Variants in TBC1D22A observed in about 807,000 individuals in gnomAD.
TBC1D22A encodes putative GTPase activator.
A neutral mutation model predicts 60.2 loss-of-function variants in TBC1D22A; 38 were observed. The ratio of observed to expected loss-of-function variants is 0.63; its 90% CI spans 0.49 to 0.83. The LOEUF (loss-of-function observed/expected upper bound fraction) is 0.83, where lower values mean the gene tolerates loss of function less well. TBC1D22A is among the 40% of genes least tolerant of loss of function. The pLI, the probability that TBC1D22A is intolerant of heterozygous loss-of-function variation, is 0.00. For missense variants in TBC1D22A, 628 were observed against 701.0 expected (o/e 0.90, Z 1.18); for synonymous variants, 302 against 281.7 (o/e 1.07, Z -0.72).
In TBC1D22A at chr22:47,174,043, A is replaced by G. The variant is rs541589591; in HGVS notation, c.*417A>G. ...TCTCATACCTACTCTGAAATGCAAAACTTCTATTCTGTTGAGTGAAAGAAT... is the reference window on the plus strand; with the variant it reads ...TCTCATACCTACTCTGAAATGCAAAGCTTCTATTCTGTTGAGTGAAAGAAT... On this transcript the variant is annotated 3_prime_UTR_variant, in exon 13 of 13. Coordinates refer to ENST00000337137, the MANE Select transcript of TBC1D22A (RefSeq NM_014346.5). 7.1e-5 allele frequency: 12 copies of G among 169,106 alleles called. No homozygotes were observed. Among genetic ancestry groups the G allele is most frequent in the Non-Finnish European group, 1.3e-4 (10 of 78,116 alleles). The allele number at this position is 169,106 out of a possible 1,614,324, so 10.5% of individuals were successfully genotyped here.
chr22:47,119,260 AT>A (rs2147752082), intron 12 of TBC1D22A, among the ~76,000 whole-genome samples: 1 of 152,306 alleles, frequency 6.6e-6, no homozygotes, highest in African/African-American at 2.4e-5. Context: ...TTCCTAGTAA[AT>A]TTGTTCAGTT....
At chr22:47,013,088 C>T (rs61205153) in intron 10 of TBC1D22A, among the ~76,000 whole-genome samples, 36,574 of 152,196 alleles carry the variant, frequency 0.24, 4,709 homozygotes, top group East Asian at 0.29. Flanking sequence ...GGACATAGCA[C>T]TTGCTGTGGA....
chr22:46,839,840 A>G (rs1048206607), intron 4 of TBC1D22A, among the ~76,000 whole-genome samples: 1 of 152,244 alleles, frequency 6.6e-6, no homozygotes, highest in Non-Finnish European at 1.5e-5. Flanking sequence ...AGAACGCACA[A>G]TAGGGAAAAG....
At chr22:47,112,987 A>G (rs1220678489) in intron 12 of TBC1D22A, among the ~76,000 whole-genome samples, 1 of 152,182 alleles carries the variant, frequency 6.6e-6, no homozygotes, top group African/African-American at 2.4e-5. Context: ...ACCAAGTAAG[A>G]TGGAATGAAT....
At chr22:46,982,370 C>T (rs1307542977) in intron 9 of TBC1D22A, among the ~76,000 whole-genome samples, 2 of 152,072 alleles carry the variant, frequency 1.3e-5, no homozygotes, top group African/African-American at 2.4e-5. Context: ...ACTACAGGCA[C>T]CCGCCTCCAC....
intron 4 of TBC1D22A, among the ~76,000 whole-genome samples, chr22:46,867,872 C>T (rs760445292): frequency 1.3e-5 from 2 of 152,210 alleles, no homozygotes; most frequent in African/African-American, 2.4e-5. Flanking sequence ...AAAAGCCACC[C>T]GGCAGAATGC....
At chr22:46,887,084 C>T (rs1403350503) in intron 5 of TBC1D22A, among the ~76,000 whole-genome samples, 1 of 152,174 alleles carries the variant, frequency 6.6e-6, no homozygotes, top group Admixed American at 6.5e-5. Flanking sequence ...CAGAAGGAGG[C>T]TGTTGGCAGC....
chr22:46,962,357 C>A (rs990256077), intron 8 of TBC1D22A, among the ~76,000 whole-genome samples: 7 of 152,228 alleles, frequency 4.6e-5, no homozygotes, highest in African/African-American at 1.7e-4. Flanking sequence ...AAAAGAAGGT[C>A]AAGGTGCTGA....
At chr22:47,069,072 A>T (rs1157622984) in intron 11 of TBC1D22A, among the ~76,000 whole-genome samples, 1 of 152,216 alleles carries the variant, frequency 6.6e-6, no homozygotes, top group African/African-American at 2.4e-5. Flanking sequence ...TCAACCCACA[A>T]TGGCTCATAA....
chr22:47,032,400 C>G (rs988482141), intron 10 of TBC1D22A, among the ~76,000 whole-genome samples: 20 of 152,220 alleles, frequency 1.3e-4, no homozygotes, highest in African/African-American at 4.6e-4. Flanking sequence ...CCACCCACAC[C>G]AGGTCCCCCA....
chr22:47,095,306 C>T (rs890777637), intron 11 of TBC1D22A, among the ~76,000 whole-genome samples: 4 of 152,196 alleles, frequency 2.6e-5, no homozygotes, highest in African/African-American at 7.2e-5. Flanking sequence ...TACGCATATG[C>T]GGGGAAATCT....
chr22:47,110,223 T>G (rs2147716256), intron 11 of TBC1D22A, among the ~76,000 whole-genome samples: 1 of 152,312 alleles, frequency 6.6e-6, no homozygotes, highest in African/African-American at 2.4e-5. Flanking sequence ...CTCACACTTG[T>G]AATCCCAGCA....
chr22:46,813,007 C>T (rs1336336178), intron 4 of TBC1D22A, among the ~76,000 whole-genome samples: 1 of 152,218 alleles, frequency 6.6e-6, no homozygotes, highest in Non-Finnish European at 1.5e-5. Context: ...TATGCGGCCG[C>T]TGCTGCCCCT....
At chr22:46,823,068 C>T (rs995417897) in intron 4 of TBC1D22A, among the ~76,000 whole-genome samples, 23 of 152,124 alleles carry the variant, frequency 1.5e-4, no homozygotes, top group Admixed American at 7.2e-4. Context: ...CACAAGTATC[C>T]GGCTGCATCA....
intron 9 of TBC1D22A, among the ~76,000 whole-genome samples, chr22:46,976,244 A>C (rs137878625): frequency 2.0e-5 from 3 of 152,284 alleles, no homozygotes; most frequent in African/African-American, 7.2e-5. Flanking sequence ...TTGTGGTCTG[A>C]TGCAATGGTT....
chr22:46,765,778 CTTTTTT>C lies in TBC1D22A; in HGVS notation c.62+2942_62+2947del, dbSNP rs61163963. On this transcript the variant is annotated intron_variant, in intron 1 of 12. Coordinates refer to ENST00000337137, the MANE Select transcript of TBC1D22A (RefSeq NM_014346.5). The stretch of plus-strand genomic sequence containing the variant: ...CTCCATGCCTGGCCTTGTTTTCCTC[CTTTTTT>C]TTTTTTTTTTTCTGAGACAAGAGTC... Among the ~76,000 whole-genome samples the C allele has an allele frequency of 2.1e-3, 269 of 131,056 alleles. 10 individuals carry two copies. In the East Asian group the frequency reaches 0.034, roughly 17 times the overall value. The allele number at this position is 131,056 out of a possible 152,430, so 86.0% of individuals were successfully genotyped here. A position where few individuals can be genotyped will look rare whatever the true frequency, so the allele number is the denominator to read the frequency against.
chr22:46,980,596 G>A (rs1463196129), intron 9 of TBC1D22A, among the ~76,000 whole-genome samples: 2 of 152,230 alleles, frequency 1.3e-5, no homozygotes, highest in African/African-American at 4.8e-5. Context: ...AGAATTGAAT[G>A]TAGTGCTGAG....
At chr22:47,148,509 C>T (rs749082155) in intron 12 of TBC1D22A, among the ~76,000 whole-genome samples, 9 of 152,246 alleles carry the variant, frequency 5.9e-5, no homozygotes, top group East Asian at 3.9e-4. Context: ...GAGTTGGGTG[C>T]GTCTCAAGGG....
At chr22:46,946,395 C>T (rs1256179414) in intron 8 of TBC1D22A, among the ~76,000 whole-genome samples, 1 of 152,220 alleles carries the variant, frequency 6.6e-6, no homozygotes, top group African/African-American at 2.4e-5. Context: ...GTGCTCCCTG[C>T]TCCCCCTTGT....
Sources: allele counts gnomAD v4.1 joint callset (sites outside exome capture counted in the v4.1 genomes callset), GRCh38; gene constraint gnomAD v4.1.1; transcripts MANE v1.5; gene names NCBI Gene and HGNC (gene_info 2026-07-23, HGNC 2026-07-21).